Variants in AUTS2 observed in about 807,000 individuals in gnomAD.
AUTS2 encodes the protein activator of transcription and developmental regulator AUTS2.
AUTS2 carries 17 observed loss-of-function variants against 112.4 expected under a neutral mutation model. The observed-to-expected ratio is 0.15, with a 90% CI of 0.10 to 0.23. The LOEUF is 0.23. AUTS2 is among the 10% of genes least tolerant of loss of function. The probability of loss-of-function intolerance (pLI) is 1.00; values close to 1 mark genes in which losing one functional copy is unlikely to be tolerated. For synonymous variants in AUTS2, 751 were observed against 702.7 expected (o/e 1.07, Z -1.09); for missense variants, 1,510 against 1,701.6 (o/e 0.89, Z 1.98).
At chr7:69,872,834 C>CTTTTATTTTTTTT (rs1793559573) in intron 1 of AUTS2, among the ~76,000 whole-genome samples, 1 of 70,406 alleles carries the variant, frequency 1.4e-5, no homozygotes, top group African/African-American at 6.2e-5. Flanking sequence ...AGCCTATATT[C>CTTTTATTTTTTTT]TTTTTTTTTT....
At chr7:69,674,176 T>C (rs922716565) in intron 1 of AUTS2, among the ~76,000 whole-genome samples, 2 of 152,226 alleles carry the variant, frequency 1.3e-5, no homozygotes, top group Non-Finnish European at 2.9e-5. Context: ...ACCATTTCAC[T>C]GATTCTGTAC....
intron 4 of AUTS2, among the ~76,000 whole-genome samples, chr7:70,390,972 A>G (rs1445612500): frequency 6.6e-6 from 1 of 152,180 alleles, no homozygotes. Context: ...ATCTGTGCTG[A>G]TAACTGTAAA....
intron 1 of AUTS2, among the ~76,000 whole-genome samples, chr7:69,688,169 C>G (rs1391357104): frequency 6.6e-6 from 1 of 152,174 alleles, no homozygotes; most frequent in Non-Finnish European, 1.5e-5. Context: ...AAAGTTATTA[C>G]CAGTTGACAG....
At chr7:70,573,772 C>A (rs76268949) in intron 5 of AUTS2, among the ~76,000 whole-genome samples, 2 of 140,248 alleles carry the variant, frequency 1.4e-5, no homozygotes, top group African/African-American at 2.6e-5. Context: ...GAGCAAAAAG[C>A]TTTTTTTTTT....
intron 2 of AUTS2, among the ~76,000 whole-genome samples, chr7:70,066,617 T>G (rs1406853714): frequency 6.6e-6 from 1 of 150,716 alleles, no homozygotes; most frequent in Admixed American, 6.7e-5. Context: ...GTCGGCTCAC[T>G]GCACTCCGTC....
At chr7:69,691,651 C>T (rs555809916) in intron 1 of AUTS2, among the ~76,000 whole-genome samples, 45 of 151,770 alleles carry the variant, frequency 3.0e-4, no homozygotes, top group Non-Finnish European at 5.6e-4. Context: ...GTTGGGCCCC[C>T]GAGAACACAG....
At chr7:69,873,418 CTTT>C (rs36005575) in intron 1 of AUTS2, among the ~76,000 whole-genome samples, 41 of 125,428 alleles carry the variant, frequency 3.3e-4, no homozygotes, top group Non-Finnish European at 4.6e-4. Context: ...GGGGCTCAGG[CTTT>C]TTTTTTTTTT....
chr7:70,005,918 A>T (rs1421510734), intron 2 of AUTS2, among the ~76,000 whole-genome samples: 1 of 152,186 alleles, frequency 6.6e-6, no homozygotes, highest in Non-Finnish European at 1.5e-5. Context: ...TTAACGTTGT[A>T]TGCTAGTCCT....
intron 4 of AUTS2, among the ~76,000 whole-genome samples, chr7:70,221,433 T>C (rs1811480872): frequency 6.6e-6 from 1 of 152,242 alleles, no homozygotes; most frequent in African/African-American, 2.4e-5. Flanking sequence ...TTGGAAAGGC[T>C]GATCCTTTTG....
At chr7:70,259,692 G>A (rs1221650002) in intron 4 of AUTS2, among the ~76,000 whole-genome samples, 2 of 152,234 alleles carry the variant, frequency 1.3e-5, no homozygotes, top group Non-Finnish European at 2.9e-5. Context: ...GGGCTGAAAA[G>A]AATAGTGTCT....
intron 2 of AUTS2, among the ~76,000 whole-genome samples, chr7:70,060,473 G>A (rs538186825): frequency 6.6e-6 from 1 of 152,148 alleles, no homozygotes; most frequent in Admixed American, 6.5e-5. Context: ...TGTTGTAAGC[G>A]AGAAAGACTA....
At chr7:70,059,328 T>C (rs1359048902) in intron 2 of AUTS2, among the ~76,000 whole-genome samples, 1 of 152,220 alleles carries the variant, frequency 6.6e-6, no homozygotes, top group Non-Finnish European at 1.5e-5. Flanking sequence ...TGTCTTTTAA[T>C]GGCTTAATAG....
intron 1 of AUTS2, among the ~76,000 whole-genome samples, chr7:69,771,886 GC>G (rs1788679720): frequency 6.6e-6 from 1 of 151,706 alleles, no homozygotes; most frequent in Admixed American, 6.6e-5. Flanking sequence ...CTGGGTTCAA[GC>G]AATTCTCCTG....
chr7:70,463,931 A>G (rs929477714), intron 5 of AUTS2, among the ~76,000 whole-genome samples: 3 of 152,240 alleles, frequency 2.0e-5, no homozygotes, highest in African/African-American at 4.8e-5. Context: ...AAATTAATCC[A>G]TGTGGGTCAA....
Position 69,645,967 on chromosome 7 carries a change from AT to A in AUTS2, c.309+46023del, listed in dbSNP as rs751243685. ...GGGGGTGTCAGCTGAAACGGTCTGGATTTTTTTTTTTTTTTTTTCTCCTTCT... is the reference window on the plus strand; with the variant it reads ...GGGGGTGTCAGCTGAAACGGTCTGGATTTTTTTTTTTTTTTTTCTCCTTCT... On this transcript the variant is annotated intron_variant, in intron 1 of 18. Coordinates refer to ENST00000342771, the MANE Select transcript of AUTS2 (RefSeq NM_015570.4). 4.6e-3 allele frequency among the ~76,000 whole-genome samples: 621 copies of A among 134,150 alleles called. 1 individual carries two copies. The highest frequency in any genetic ancestry group is 0.011 in the Middle Eastern group (3 of 264). The allele number at this position is 134,150 out of a possible 152,430, so 88.0% of individuals were successfully genotyped here.
At chr7:69,615,406 G>A (rs1327049803) in intron 1 of AUTS2, among the ~76,000 whole-genome samples, 4 of 152,072 alleles carry the variant, frequency 2.6e-5, no homozygotes, top group Non-Finnish European at 5.9e-5. Context: ...GGGTTTAAGC[G>A]ATTCTCCTGC....
At chr7:70,193,588 C>T (rs971330688) in intron 4 of AUTS2, among the ~76,000 whole-genome samples, 4 of 152,146 alleles carry the variant, frequency 2.6e-5, no homozygotes, top group Non-Finnish European at 5.9e-5. Flanking sequence ...CTGATTTCAG[C>T]GCCTAAATGA....
chr7:69,773,850 C>T (rs1019193589), intron 1 of AUTS2, among the ~76,000 whole-genome samples: 7 of 152,234 alleles, frequency 4.6e-5, no homozygotes, highest in Admixed American at 4.6e-4. Flanking sequence ...TGAGTCAGCT[C>T]TCCTCCCTGG....
intron 2 of AUTS2, among the ~76,000 whole-genome samples, chr7:69,947,198 C>T (rs1710012850): frequency 6.6e-6 from 1 of 152,116 alleles, no homozygotes; most frequent in South Asian, 2.1e-4. Flanking sequence ...TGAGCATTGA[C>T]ACCAATATCA....
Sources: gnomAD v4.1 joint callset for allele counts (sites outside exome capture counted in the v4.1 genomes callset) on GRCh38, gnomAD v4.1.1 for gene constraint, MANE v1.5 for transcripts, NCBI Gene and HGNC (gene_info 2026-07-23, HGNC 2026-07-21) for gene names.